HEMK2: variants seen among roughly 807,000 people sequenced by gnomAD.
HEMK2 encodes the protein methyltransferase HEMK2.
At chr21:28,673,575 T>C in the HEMK2 span, among the ~76,000 whole-genome samples, 1 of 114,596 alleles carries the variant, frequency 8.7e-6, no homozygotes, top group Non-Finnish European at 1.7e-5. Flanking sequence ...TCTTGCATTA[T>C]AATCAACAAT....
At chr21:28,717,359 T>A in the HEMK2 span, among the ~76,000 whole-genome samples, 2 of 152,178 alleles carry the variant, frequency 1.3e-5, no homozygotes, top group African/African-American at 4.8e-5. Context: ...AGGGTGGTTG[T>A]GTCTTTCCAG....
the HEMK2 span, among the ~76,000 whole-genome samples, chr21:28,617,406 C>G: frequency 1.3e-5 from 2 of 152,214 alleles, no homozygotes; most frequent in African/African-American, 4.8e-5. Flanking sequence ...TGATTTCATA[C>G]TGAAGTCCCT....
the HEMK2 span, among the ~76,000 whole-genome samples, chr21:28,724,993 C>T: frequency 2.0e-5 from 3 of 152,010 alleles, no homozygotes; most frequent in Non-Finnish European, 2.9e-5. Flanking sequence ...CATGTTGGCC[C>T]GGCTGGTCTC....
chr21:28,667,611 C>G, the HEMK2 span, among the ~76,000 whole-genome samples: 1 of 152,100 alleles, frequency 6.6e-6, no homozygotes, highest in East Asian at 1.9e-4. Context: ...ATCAAAACAT[C>G]TCATGTAACT....
chr21:28,882,986 T>C, the HEMK2 span: 5 of 1,582,108 alleles, frequency 3.2e-6, no homozygotes, highest in Non-Finnish European at 3.4e-6. Context: ...TATACTTACA[T>C]GTACAAAGCC....
At chr21:28,834,041 C>T in the HEMK2 span, among the ~76,000 whole-genome samples, 7 of 152,302 alleles carry the variant, frequency 4.6e-5, no homozygotes, top group South Asian at 4.1e-4. Flanking sequence ...TGTCTGCATA[C>T]GTGTGCAACG....
At chr21:28,609,842 T>C in the HEMK2 span, among the ~76,000 whole-genome samples, 2 of 152,060 alleles carry the variant, frequency 1.3e-5, no homozygotes, top group African/African-American at 4.8e-5. Flanking sequence ...GGCTTTTGAA[T>C]TAACTCAATC....
At chr21:28,730,095 T>C in the HEMK2 span, among the ~76,000 whole-genome samples, 2 of 152,112 alleles carry the variant, frequency 1.3e-5, no homozygotes, top group Middle Eastern at 3.4e-3. Flanking sequence ...AGAACAAACA[T>C]TGCCGGGCTT....
At chr21:28,624,741 G>C in the HEMK2 span, among the ~76,000 whole-genome samples, 8 of 152,156 alleles carry the variant, frequency 5.3e-5, no homozygotes, top group African/African-American at 1.9e-4. Context: ...AGAGGACTAG[G>C]AACACTAATC....
chr21:28,831,743 G>GAAAGAAAGAA, the HEMK2 span, among the ~76,000 whole-genome samples: 21 of 146,748 alleles, frequency 1.4e-4, no homozygotes, highest in African/African-American at 5.4e-4. Context: ...AGGAAAGAAA[G>GAAAGAAAGAA]AAAGAAAGAA....
chr21:28,756,719 G>A, the HEMK2 span, among the ~76,000 whole-genome samples: 5 of 152,142 alleles, frequency 3.3e-5, no homozygotes, highest in Non-Finnish European at 7.4e-5. Flanking sequence ...TAAAACAATA[G>A]TACTAATGGT....
chr21:28,661,752 C>T, the HEMK2 span, among the ~76,000 whole-genome samples: 1 of 152,120 alleles, frequency 6.6e-6, no homozygotes, highest in African/African-American at 2.4e-5. Context: ...TCTCCACTGT[C>T]CAATACAGTA....
chr21:28,864,913 T>TAGATAGATAG, the HEMK2 span, among the ~76,000 whole-genome samples: 4 of 144,070 alleles, frequency 2.8e-5, no homozygotes, highest in Non-Finnish European at 3.0e-5. Context: ...AGATAGATGA[T>TAGATAGATAG]ATAGATAGAT....
At chr21:28,843,000 T>C in the HEMK2 span, among the ~76,000 whole-genome samples, 1 of 152,128 alleles carries the variant, frequency 6.6e-6, no homozygotes, top group Non-Finnish European at 1.5e-5. Context: ...CTTGATAAAA[T>C]TGTTGAACTG....
At chr21:28,838,680 C>A in the HEMK2 span, among the ~76,000 whole-genome samples, 2 of 151,576 alleles carry the variant, frequency 1.3e-5, no homozygotes, top group African/African-American at 2.4e-5. Flanking sequence ...TGGCTCACAC[C>A]TGAAATCCCA....
At chr21:28,771,288 G>A in the HEMK2 span, among the ~76,000 whole-genome samples, 1 of 152,110 alleles carries the variant, frequency 6.6e-6, no homozygotes, top group Non-Finnish European at 1.5e-5. Context: ...CTGGAGTTAC[G>A]ATTCAGGGAG....
At chr21:28,645,132 A>T in the HEMK2 span, among the ~76,000 whole-genome samples, 1 of 152,112 alleles carries the variant, frequency 6.6e-6, no homozygotes, top group Non-Finnish European at 1.5e-5. Flanking sequence ...GGAGTTCCAG[A>T]TACACACAGG....
chr21:28,856,202 G>A, the HEMK2 span, among the ~76,000 whole-genome samples: 24,337 of 151,988 alleles, frequency 0.16, 2,386 homozygotes, highest in East Asian at 0.49. Flanking sequence ...ATCACTTGAG[G>A]GCAGAAGTTT....
At chr21:28,656,157 C>T in the HEMK2 span, among the ~76,000 whole-genome samples, 1 of 152,020 alleles carries the variant, frequency 6.6e-6, no homozygotes, top group Non-Finnish European at 1.5e-5. Context: ...AAGATGATGG[C>T]CGAGGTATCT....
Sources: allele counts gnomAD v4.1 joint callset (sites outside exome capture counted in the v4.1 genomes callset), GRCh38; gene constraint gnomAD v4.1.1; transcripts MANE v1.5; gene names NCBI Gene and HGNC (gene_info 2026-07-23, HGNC 2026-07-21).